GUSB: variants seen among roughly 807,000 people sequenced by gnomAD.
GUSB encodes beta-glucuronidase.
A neutral mutation model predicts 74.6 loss-of-function variants in GUSB; 51 were observed. The ratio of observed to expected loss-of-function variants is 0.68; its 90% CI spans 0.55 to 0.86. The LOEUF is 0.86. Ranked by LOEUF, GUSB falls within the 40% of genes least tolerant of loss-of-function variation. GUSB has a pLI of 0.00. For missense variants in GUSB, 736 were observed against 853.7 expected (o/e 0.86, Z 1.72); for synonymous variants, 360 against 348.3 (o/e 1.03, Z -0.37).
chr7:65,978,534 G>A (rs754917675), intron 4 of GUSB, among the ~76,000 whole-genome samples: 12 of 152,068 alleles, frequency 7.9e-5, no homozygotes, highest in Non-Finnish European at 1.0e-4. Context: ...TTGGCAGGCC[G>A]AGGAGGGTGG....
rs1052985201 is a variant in GUSB at position 65,962,729 on chromosome 7, G to A, written c.1789+1594C>T. The stretch of plus-strand genomic sequence containing the variant: ...CTCTACTAAAAATACAAAATTAGCC[G>A]GGTGTGGTGGCGCATGCCTGCAATC... On this transcript the variant is annotated intron_variant, in intron 11 of 11. Transcript: ENST00000304895. Among the ~76,000 whole-genome samples, 7 of 151,870 alleles carry A rather than the reference G, an allele frequency of 4.6e-5. No homozygotes were observed. In the South Asian group the frequency reaches 8.3e-4, roughly 18 times the overall value.
At chr7:65,977,968 G>T (rs900888680) in intron 4 of GUSB, among the ~76,000 whole-genome samples, 2 of 151,610 alleles carry the variant, frequency 1.3e-5, no homozygotes, top group African/African-American at 2.4e-5. Context: ...CTGCCACCAT[G>T]CCCGGCTAAT....
intron 10 of GUSB, among the ~76,000 whole-genome samples, chr7:65,966,247 C>T (rs1790827714): frequency 6.6e-6 from 1 of 152,124 alleles, no homozygotes; most frequent in African/African-American, 2.4e-5. Context: ...GAGCCACTTC[C>T]CCTACTTGAC....
intron 1 of GUSB, 167 bp from the exon 2 acceptor site, chr7:65,980,576 C>T: frequency 1.5e-6 from 1 of 675,920 alleles, no homozygotes; most frequent in South Asian, 1.7e-5. Flanking sequence ...CCAGGGCGAT[C>T]TGTGCACCTG....
rs546919555 is a variant in GUSB, at chr7:65,965,074, A to T, written c.1654-616T>A. Among the ~76,000 whole-genome samples the T allele has an allele frequency of 8.5e-3, 1,007 of 118,688 alleles. 4 individuals are homozygous for T. Among genetic ancestry groups the T allele is most frequent in the Non-Finnish European group, 0.012 (662 of 54,096 alleles). The allele number at this position is 118,688 out of a possible 152,430, so 77.9% of individuals were successfully genotyped here. ...ACACAGTGAGACCCTGTCTCTAATA[A>T]ATATATATATATATATAAAAATTAA... On this transcript the variant is annotated intron_variant, in intron 10 of 11. Transcript: ENST00000304895.
intron 2 of GUSB, 39 bp downstream of exon 2, chr7:65,980,185 G>GGT: frequency 2.8e-6 from 2 of 725,274 alleles, no homozygotes; most frequent in Admixed American, 2.2e-5. Context: ...CAGCAGCCGT[G>GGT]CCCCCCCACC....
Position 65,970,302 on chromosome 7 carries a change from T to TA in GUSB, c.1455dup (p.Asn486Ter). ...CTCACCCCCTTGTCTGCTGCATAGT[T>TA]AGAGTTGCTCACAAAGGTCACAGGC... On this transcript the variant is annotated frameshift_variant, in exon 9 of 12. Transcript: ENST00000304895. LOFTEE classifies it high-confidence loss of function. 2 of 1,612,258 alleles carry TA rather than the reference T, an allele frequency of 1.2e-6. No homozygotes were observed. The highest frequency in any genetic ancestry group is 2.2e-5 in the South Asian group (2 of 91,014).
At position 65,979,458 on chromosome 7, in the gene GUSB, G is replaced by A. The variant is rs759521075; in HGVS notation, c.665C>T (p.Thr222Met). Reference protein sequence around the residue: ...AGLQRSVLLYTTPTTYIDDIT... With the variant: ...AGLQRSVLLYMTPTTYIDDIT... ...GTCATCGATGTAGGTGGTGGGTGTC[G>A]TGTACAGAAGTACAGACCGCTGCAG... The change falls in exon 4 of 12, where the codon ACG becomes ATG. Residue 222 changes from threonine (T) to methionine (M), a missense_variant. Around this residue, in one of 2 missense-constraint regions of GUSB, gnomAD observed 368 missense variants for 363.8 expected, o/e 1.01. Transcript: ENST00000304895. 7 of 1,613,688 alleles carry A rather than the reference G, an allele frequency of 4.3e-6. No individual in the cohort carries two copies. Among genetic ancestry groups the A allele is most frequent in the Admixed American group, 3.3e-5 (2 of 60,014 alleles).
At chr7:65,970,678 G>C (rs1383293047) in intron 8 of GUSB, among the ~76,000 whole-genome samples, 1 of 151,978 alleles carries the variant, frequency 6.6e-6, no homozygotes, top group African/African-American at 2.4e-5. Flanking sequence ...CAGATCACAA[G>C]GTCAGGAGAT....
intron 9 of GUSB, among the ~76,000 whole-genome samples, chr7:65,968,448 G>A (rs1176199846): frequency 6.6e-6 from 1 of 152,134 alleles, no homozygotes; most frequent in African/African-American, 2.4e-5. Flanking sequence ...CCAACGCACA[G>A]CCCTCAGCCA....
chr7:65,967,931 G>C, intron 9 of GUSB, 24 bp from the exon 10 acceptor site: 1 of 1,591,626 alleles, frequency 6.3e-7, no homozygotes, highest in Non-Finnish European at 8.5e-7. Context: ...AGCAGAGCCC[G>C]TTCAGCACTC....
intron 9 of GUSB, among the ~76,000 whole-genome samples, chr7:65,969,175 G>C (rs1791036597): frequency 6.6e-6 from 1 of 152,012 alleles, no homozygotes; most frequent in Non-Finnish European, 1.5e-5. Flanking sequence ...GAGATCAGCA[G>C]TTTGAGACCA....
Position 65,982,193 on chromosome 7 carries a change from TCC to T in GUSB, c.-12_-11del. ...CCGACCCCCGGGCCATGCTTCCCGG[TCC>T]CCCGCTCGGCCACCGTCTGCGGCGC... is the stretch of plus-strand genomic sequence containing the variant. On this transcript the variant is annotated 5_prime_UTR_variant, in exon 1 of 12. Coordinates refer to ENST00000304895, the MANE Select transcript of GUSB (RefSeq NM_000181.4). 1 of 1,501,700 alleles carries T rather than the reference TCC, an allele frequency of 6.7e-7. No individual in the cohort carries two copies. The highest frequency in any genetic ancestry group is 8.9e-7 in the Non-Finnish European group (1 of 1,125,516). The allele number at this position is 1,501,700 out of a possible 1,614,324, so 93.0% of individuals were successfully genotyped here. A position where few individuals can be genotyped will look rare whatever the true frequency, so the allele number is the denominator to read the frequency against.
In GUSB at chr7:65,974,290, C is replaced by T. The variant is rs768780031; in HGVS notation, c.1391+5G>A. 1.4e-5 allele frequency: 23 copies of T among 1,613,908 alleles called. No individual in the cohort carries two copies. The African/African-American group carries it at 3.1e-4, about 22-fold the overall frequency. ...TCTAGCCGAGGGCAGGGAGGGAGCA[C>T]TCACTTCAAGTAGTAGCCAGCAGAT... On this transcript the variant is annotated splice_donor_5th_base_variant and intron_variant, in intron 8 of 11. Transcript: ENST00000304895.
chr7:65,976,471 G>A (rs980423764), intron 4 of GUSB, among the ~76,000 whole-genome samples: 5 of 151,772 alleles, frequency 3.3e-5, no homozygotes, highest in South Asian at 2.1e-4. Context: ...GATTATAGAC[G>A]TGCACCACCA....
At chr7:65,981,343 TGACTCA>T (rs1373499863) in intron 1 of GUSB, among the ~76,000 whole-genome samples, 1 of 151,616 alleles carries the variant, frequency 6.6e-6, no homozygotes, top group East Asian at 1.9e-4. Context: ...GCAATTCTCC[TGACTCA>T]GCCTCCCAAG....
chr7:65,969,246 G>T (rs1458671002), intron 9 of GUSB, among the ~76,000 whole-genome samples: 4 of 152,046 alleles, frequency 2.6e-5, no homozygotes, highest in Non-Finnish European at 5.9e-5. Flanking sequence ...GCTGGGTGTG[G>T]TGGCATGCAC....
chr7:65,981,771 C>T (rs1583953158), intron 1 of GUSB: 2 of 553,600 alleles, frequency 3.6e-6, no homozygotes, highest in East Asian at 6.1e-5. Context: ...AGCCTTTTCT[C>T]CTCCTGCCTA....
rs778872193 is a variant in GUSB at position 65,975,997 on chromosome 7, G to C, written c.912+18C>G. On this transcript the variant is annotated intron_variant, in intron 5 of 11. Coordinates refer to ENST00000304895, the MANE Select transcript of GUSB (RefSeq NM_000181.4). ...GGGGCAAAAGACCTCCCTTAGGCAT[G>C]TCCCAAACCACCATTACCTCCAATG... 3.8e-5 allele frequency: 61 copies of C among 1,610,196 alleles called. No homozygotes were observed. The highest frequency in any genetic ancestry group is 4.6e-5 in the Non-Finnish European group (54 of 1,178,120).
Sources: allele counts gnomAD v4.1 joint callset (sites outside exome capture counted in the v4.1 genomes callset), GRCh38; gene constraint gnomAD v4.1.1; regional missense constraint gnomAD v4.1.1; transcripts MANE v1.5; gene names NCBI Gene and HGNC (gene_info 2026-07-23, HGNC 2026-07-21).